VPS72: variants seen among roughly 807,000 people sequenced by gnomAD.
The protein encoded by VPS72 is vacuolar protein sorting-associated protein 72 homolog.
VPS72 carries 27 observed loss-of-function variants against 38.9 expected under a neutral mutation model. The observed-to-expected ratio is 0.69, with a 90% CI of 0.51 to 0.96. The LOEUF is 0.96. Ranked by LOEUF, VPS72 falls within the 40% of genes least tolerant of loss-of-function variation. The pLI, the probability that VPS72 is intolerant of heterozygous loss-of-function variation, is 0.00. For missense variants in VPS72, 360 were observed against 479.5 expected, an observed-to-expected ratio of 0.75 and a Z score of 2.33; for synonymous variants, 173 against 186.3, an observed-to-expected ratio of 0.93 and a Z score of 0.58.
In VPS72 at chr1:151,190,061, AAAGCCCAG is replaced by A; in HGVS notation, c.53_60del (p.Ser18PhefsTer8). ...AACTCATCTTCCTCCTCTGCCTCCA[AAAGCCCAG>A]AAAGCCGGTTCCCAGCGGTCTTCCG... On this transcript the variant is annotated frameshift_variant, in exon 1 of 6. Transcript: ENST00000368892. LOFTEE classifies it high-confidence loss of function. The A allele has an allele frequency of 1.2e-6, 2 of 1,613,914 alleles. No individual in the cohort carries two copies. The highest frequency in any genetic ancestry group is 1.7e-6 in the Non-Finnish European group (2 of 1,179,962).
chr1:151,185,846 T>C lies in VPS72; in HGVS notation c.222A>G (p.Glu74=), dbSNP rs759345946. The C allele has an allele frequency of 1.4e-5, 23 of 1,614,068 alleles. No homozygotes were observed. The highest frequency in any genetic ancestry group is 1.8e-5 in the Non-Finnish European group (21 of 1,180,032). ...GGCGCTTCCTTCTTGGCTCTTCTGC[T>C]TCTCCATCACTGGATGGTTCATCCC... ...DEGDEPSSDG[E]AEEPRRKRRV... Residue 74 remains glutamate (E), a synonymous_variant, in exon 2 of 6, where the codon GAA becomes GAG. Transcript: ENST00000368892.
At chr1:151,179,247 A>G (rs1684182510) in intron 4 of VPS72, among the ~76,000 whole-genome samples, 1 of 152,096 alleles carries the variant, frequency 6.6e-6, no homozygotes, top group African/African-American at 2.4e-5. Flanking sequence ...ATTGCACTCC[A>G]ACGCGGGCAA....
intron 1 of VPS72, among the ~76,000 whole-genome samples, chr1:151,187,974 G>A (rs1260169432): frequency 2.0e-5 from 3 of 151,954 alleles, no homozygotes; most frequent in Non-Finnish European, 4.4e-5. Context: ...GGCCTTAGAG[G>A]AGGGATGAGA....
chr1:151,181,966 T>C (rs1251034442), intron 4 of VPS72, among the ~76,000 whole-genome samples: 1 of 151,380 alleles, frequency 6.6e-6, no homozygotes, highest in Non-Finnish European at 1.5e-5. Context: ...CGATCCTCCT[T>C]CCTTGGCCTC....
chr1:151,182,181 C>T (rs1684255837), intron 4 of VPS72, among the ~76,000 whole-genome samples: 1 of 152,180 alleles, frequency 6.6e-6, no homozygotes, highest in South Asian at 2.1e-4. Context: ...GCATGTGCCA[C>T]CACACTCAGC....
chr1:151,185,713 G>A, intron 2 of VPS72, 85 bp downstream of exon 2: 1 of 1,608,408 alleles, frequency 6.2e-7, no homozygotes, highest in Non-Finnish European at 8.5e-7. Context: ...TGCCAGAAAT[G>A]GAAGTGGCAT....
At chr1:151,178,631 C>CA (rs902392377) in intron 4 of VPS72, among the ~76,000 whole-genome samples, 12 of 147,722 alleles carry the variant, frequency 8.1e-5, no homozygotes, top group African/African-American at 2.5e-4. Context: ...ATCATATCTC[C>CA]AAAAAAAAAA....
At chr1:151,188,262 T>A (rs1684394332) in intron 1 of VPS72, among the ~76,000 whole-genome samples, 1 of 152,078 alleles carries the variant, frequency 6.6e-6, no homozygotes, top group South Asian at 2.1e-4. Context: ...GGTCTCGAAC[T>A]CCTGACCTCG....
At chr1:151,188,602 A>T (rs895796980) in intron 1 of VPS72, among the ~76,000 whole-genome samples, 2 of 152,190 alleles carry the variant, frequency 1.3e-5, no homozygotes, top group African/African-American at 4.8e-5. Flanking sequence ...GGAGAATGAA[A>T]GTAGACTTGC....
rs375884930 is a variant in VPS72, at chr1:151,184,203, C to T, written c.562+114G>A. On this transcript the variant is annotated intron_variant, in intron 4 of 5. Coordinates refer to ENST00000368892, the MANE Select transcript of VPS72 (RefSeq NM_005997.3). The stretch of plus-strand genomic sequence containing the variant: ...ACCTACTCTCCGCCATTTCTTCCTT[C>T]TGATTCCATCATCCCAAATTTCCAT... 18 of 1,399,254 alleles carry T rather than the reference C, an allele frequency of 1.3e-5. No individual in the cohort carries two copies. The African/African-American group carries it at 2.6e-4, about 20-fold the overall frequency. 86.7% of individuals were successfully genotyped at this position (1,399,254 alleles called of 1,614,324 possible).
chr1:151,177,257 T>C (rs750006758), intron 5 of VPS72, among the ~76,000 whole-genome samples: 2 of 151,734 alleles, frequency 1.3e-5, no homozygotes, highest in Non-Finnish European at 2.9e-5. Flanking sequence ...TGGTGGCGGA[T>C]GCCTGTAATC....
In VPS72 at chr1:151,176,760, T is replaced by C. The variant is rs761731665; in HGVS notation, c.979A>G (p.Ile327Val). 4.3e-6 allele frequency: 7 copies of C among 1,613,966 alleles called. No individual in the cohort carries two copies. In the African/African-American group the frequency reaches 8.0e-5, roughly 18 times the overall value. Residue 327 changes from isoleucine (I) to valine (V), a missense_variant, in exon 6 of 6, where the codon ATT (isoleucine) becomes GTT (valine). By Grantham distance (29) the Ile-to-Val change is conservative (BLOSUM62 3). Transcript: ENST00000368892. ...GTGGGCGGCAGTCCATGGGCAGTAA[T>C]GTACTTCTTGTAAGCCTCACGAATG... The part of the protein sequence containing the change: ...KIIREAYKKY[I>V]TAHGLPPTAS...
At chr1:151,189,955 A>G (rs1265931746) in intron 1 of VPS72, 50 bp downstream of exon 1, 2 of 1,596,368 alleles carry the variant, frequency 1.3e-6, no homozygotes, top group Admixed American at 3.4e-5. Flanking sequence ...TTCTCCCTTC[A>G]GGGCTCCTCT....
chr1:151,176,719 G>A lies in VPS72; in HGVS notation c.1020C>T (p.Gly340=). 2 of 1,614,190 alleles carry A rather than the reference G, an allele frequency of 1.2e-6. No homozygotes were observed. Among genetic ancestry groups the A allele is most frequent in the Non-Finnish European group, 1.7e-6 (2 of 1,180,036 alleles). The stretch of plus-strand genomic sequence containing the variant: ...GGGGCTCAGGAGGTGGCGGGCCGGG[G>A]CCCAGGGCTGAGGCAGTGGGCGGCA... ...HGLPPTASAL[G]PGPPPPEPLP... The change falls in exon 6 of 6, where the codon GGC becomes GGT. Residue 340 remains glycine, a synonymous_variant. Transcript: ENST00000368892.
chr1:151,188,042 G>T (rs1684389018), intron 1 of VPS72, among the ~76,000 whole-genome samples: 2 of 150,756 alleles, frequency 1.3e-5, no homozygotes, highest in Non-Finnish European at 2.9e-5. Context: ...TGTCAGTGAT[G>T]TGGGTTTTTT....
chr1:151,183,887 C>A (rs1684291052), intron 4 of VPS72, among the ~76,000 whole-genome samples: 2 of 151,910 alleles, frequency 1.3e-5, no homozygotes, highest in Non-Finnish European at 1.5e-5. Flanking sequence ...CATTATCACC[C>A]CCTGCTTTTT....
rs374950972 is a variant in VPS72 at position 151,189,996 on chromosome 1, G to A, written c.117+9C>T. ...TCCTCCCCTCCCTTTTCCCAGGCCC[G>A]GATCTTGCCTCTGTGAAACCCCCAT... On this transcript the variant is annotated intron_variant, in intron 1 of 5. Coordinates refer to ENST00000368892, the MANE Select transcript of VPS72 (RefSeq NM_005997.3). 4 of 1,613,494 alleles carry A rather than the reference G, an allele frequency of 2.5e-6. No homozygotes were observed. Among genetic ancestry groups the A allele is most frequent in the Non-Finnish European group, 2.5e-6 (3 of 1,179,672 alleles).
At position 151,180,212 on chromosome 1, in the gene VPS72, G is replaced by A. The variant is rs151004040; in HGVS notation, c.563-2067C>T. On this transcript the variant is annotated intron_variant, in intron 4 of 5. Coordinates refer to ENST00000368892, the MANE Select transcript of VPS72 (RefSeq NM_005997.3). ...CTTGCACCTGTAATCTCAGCTACTC[G>A]GGAGGCTGAGGCAGGACAATCACTT... Among the ~76,000 whole-genome samples the A allele has an allele frequency of 7.3e-3, 1,110 of 151,390 alleles. 22 individuals carry two copies. Among genetic ancestry groups the A allele is most frequent in the African/African-American group, 0.026 (1,068 of 41,284 alleles).
chr1:151,188,833 T>C (rs947595670), intron 1 of VPS72, among the ~76,000 whole-genome samples: 23 of 152,156 alleles, frequency 1.5e-4, no homozygotes, highest in African/African-American at 5.3e-4. Flanking sequence ...TTATCACACA[T>C]TTTTTGTTTG....
Sources: allele counts gnomAD v4.1 joint callset (sites outside exome capture counted in the v4.1 genomes callset), GRCh38; gene constraint gnomAD v4.1.1; transcripts MANE v1.5; gene names NCBI Gene and HGNC (gene_info 2026-07-23, HGNC 2026-07-21).